Variants in DIPK2A observed in about 807,000 individuals in gnomAD.
DIPK2A encodes the protein Golgi Protein of 49 kDa.
In DIPK2A, 27 loss-of-function variants were observed where a neutral mutation model predicts 39.0. The observed-to-expected ratio is 0.69, with a 90% CI of 0.51 to 0.96. The LOEUF is 0.96. Ranked by LOEUF, DIPK2A falls within the 40% of genes least tolerant of loss-of-function variation. The probability of loss-of-function intolerance (pLI) is 0.00; values close to 1 mark genes in which losing one functional copy is unlikely to be tolerated. For missense variants in DIPK2A, 528 were observed against 571.3 expected (o/e 0.92, Z 0.77); for synonymous variants, 298 against 240.8 (o/e 1.24, Z -2.20).
chr3:143,991,138 C>G lies in DIPK2A; in HGVS notation c.*1297C>G, dbSNP rs2087981514. ...TGTGTGGGCTCTTTATATAAGTTGA[C>G]TATCACTAACAGGTAATATTTTTCT... On this transcript the variant is annotated 3_prime_UTR_variant, in exon 3 of 3. Transcript: ENST00000315691. The G allele has an allele frequency of 6.5e-6, 1 of 152,742 alleles. No homozygotes were observed. The highest frequency in any genetic ancestry group is 1.9e-4 in the East Asian group (1 of 5,184). The allele number at this position is 152,742 out of a possible 1,614,324, so 9.5% of individuals were successfully genotyped here.
rs1576808530 is a variant in DIPK2A at position 143,979,492 on chromosome 3, G to C, written c.658-6051G>C. 2.0e-5 allele frequency among the ~76,000 whole-genome samples: 3 copies of C among 152,288 alleles called. No individual in the cohort carries two copies. The South Asian group carries it at 6.2e-4, about 32-fold the overall frequency. On this transcript the variant is annotated intron_variant, in intron 1 of 2. Transcript: ENST00000315691. ...AATCTGAAGTAAGTATGATGCTTCA[G>C]TGTCTTCGTATTTTTTCTTTCTAAT...
At position 143,991,379 on chromosome 3, in the gene DIPK2A, A is replaced by C. The variant is rs985174476; in HGVS notation, c.*1538A>C. Reference sequence around the variant, plus strand: ...TACTGTCTGAACATGACATACGGTTAAGTAACTTTACAATTATTATCAAAT... The same window carrying C: ...TACTGTCTGAACATGACATACGGTTCAGTAACTTTACAATTATTATCAAAT... On this transcript the variant is annotated 3_prime_UTR_variant, in exon 3 of 3. Coordinates refer to ENST00000315691, the MANE Select transcript of DIPK2A (RefSeq NM_173552.5). The C allele has an allele frequency of 6.6e-6, 1 of 152,642 alleles. No individual in the cohort carries two copies. Among genetic ancestry groups the C allele is most frequent in the Non-Finnish European group, 1.5e-5 (1 of 68,004 alleles). The allele number at this position is 152,642 out of a possible 1,614,324, so 9.5% of individuals were successfully genotyped here. A position where few individuals can be genotyped will look rare whatever the true frequency, so the allele number is the denominator to read the frequency against.
chr3:143,984,174 T>C (rs1451570429), intron 1 of DIPK2A, among the ~76,000 whole-genome samples: 1 of 152,240 alleles, frequency 6.6e-6, no homozygotes, highest in East Asian at 1.9e-4. Flanking sequence ...TGATTTGATC[T>C]TTTATCCAGA....
At chr3:143,983,086 T>C (rs1177292418) in intron 1 of DIPK2A, among the ~76,000 whole-genome samples, 5 of 152,088 alleles carry the variant, frequency 3.3e-5, no homozygotes, top group African/African-American at 9.7e-5. Flanking sequence ...AGTAAGTTCT[T>C]AGAGACCTAC....
Position 143,989,921 on chromosome 3 carries a change from T to A in DIPK2A, c.*80T>A, listed in dbSNP as rs1479712743. ...ACCACCAAAAAACGATCTGAAAAAATGAAATTTGGAAGTGTTACATTCAGA... is the reference window on the plus strand; with the variant it reads ...ACCACCAAAAAACGATCTGAAAAAAAGAAATTTGGAAGTGTTACATTCAGA... On this transcript the variant is annotated 3_prime_UTR_variant, in exon 3 of 3. Coordinates refer to ENST00000315691, the MANE Select transcript of DIPK2A (RefSeq NM_173552.5). 2 of 1,115,138 alleles carry A rather than the reference T, an allele frequency of 1.8e-6. No homozygotes were observed. The highest frequency in any genetic ancestry group is 3.1e-5 in the African/African-American group (2 of 63,886). 69.1% of individuals were successfully genotyped at this position (1,115,138 alleles called of 1,614,324 possible).
At position 143,975,592 on chromosome 3, in the gene DIPK2A, A is replaced by G. The variant is rs192658174; in HGVS notation, c.657+2603A>G. Among the ~76,000 whole-genome samples, 7 of 152,260 alleles carry G rather than the reference A, an allele frequency of 4.6e-5. No individual in the cohort carries two copies. In the East Asian group the frequency reaches 1.3e-3, roughly 29 times the overall value. On this transcript the variant is annotated intron_variant, in intron 1 of 2. Coordinates refer to ENST00000315691, the MANE Select transcript of DIPK2A (RefSeq NM_173552.5). ...GAAACTACATTTTTAGTATTTATACAGGTTTTTATAAAACTGTTTATAGCT... is the reference window on the plus strand; with the variant it reads ...GAAACTACATTTTTAGTATTTATACGGGTTTTTATAAAACTGTTTATAGCT...
At position 143,989,794 on chromosome 3, in the gene DIPK2A, A is replaced by G. The variant is rs1409400155; in HGVS notation, c.1246A>G (p.Lys416Glu). The G allele has an allele frequency of 1.9e-6, 3 of 1,614,048 alleles. No homozygotes were observed. Among genetic ancestry groups the G allele is most frequent in the East Asian group, 2.2e-5 (1 of 44,900 alleles). The part of the protein sequence containing the change: ...KKRYGRFQAA[K>E]ELREYLAQLS... ...GCGCTATGGCAGATTCCAGGCTGCA[A>G]AAGAACTGCGTGAATACCTAGCACA... Residue 416 changes from lysine to glutamate, a missense_variant, in exon 3 of 3, where the codon AAA becomes GAA. Coordinates refer to ENST00000315691, the MANE Select transcript of DIPK2A (RefSeq NM_173552.5).
Position 143,992,264 on chromosome 3 carries a change from CTG to C in DIPK2A, c.*2425_*2426del, listed in dbSNP as rs1244841296. ...AAATTGTCTTTTGTACTGTAAGTTACTGTTAATTTGAATATTTTATTGAACTG... is the reference window on the plus strand; with the variant it reads ...AAATTGTCTTTTGTACTGTAAGTTACTTAATTTGAATATTTTATTGAACTG... On this transcript the variant is annotated 3_prime_UTR_variant, in exon 3 of 3. Coordinates refer to ENST00000315691, the MANE Select transcript of DIPK2A (RefSeq NM_173552.5). 6.6e-6 allele frequency: 1 copy of C among 152,524 alleles called. No homozygotes were observed. Among genetic ancestry groups the C allele is most frequent in the Non-Finnish European group, 1.5e-5 (1 of 68,010 alleles). The allele number at this position is 152,524 out of a possible 1,614,324, so 9.4% of individuals were successfully genotyped here. A position where few individuals can be genotyped will look rare whatever the true frequency, so the allele number is the denominator to read the frequency against.
chr3:143,984,378 G>A (rs1180484611), intron 1 of DIPK2A, among the ~76,000 whole-genome samples: 1 of 151,966 alleles, frequency 6.6e-6, no homozygotes, highest in Non-Finnish European at 1.5e-5. Flanking sequence ...CCTACCTATT[G>A]TTTCTAGCTT....
In DIPK2A at chr3:143,990,300, T is replaced by C. The variant is rs182271050; in HGVS notation, c.*459T>C. On this transcript the variant is annotated 3_prime_UTR_variant, in exon 3 of 3. Transcript: ENST00000315691. The stretch of plus-strand genomic sequence containing the variant: ...TCTGATGTGTAGGGTTTTTTCCCCC[T>C]TTTTTTTTTTAATTAAATTTTGAAA... 8.4e-3 allele frequency: 1,215 copies of C among 145,456 alleles called. 34 individuals carry two copies. Among genetic ancestry groups the C allele is most frequent in the East Asian group, 0.074 (373 of 5,044 alleles). 9.0% of individuals were successfully genotyped at this position (145,456 alleles called of 1,614,324 possible). A position where few individuals can be genotyped will look rare whatever the true frequency, so the allele number is the denominator to read the frequency against.
intron 2 of DIPK2A, among the ~76,000 whole-genome samples, chr3:143,987,448 A>G (rs370886144): frequency 3.0e-4 from 45 of 152,196 alleles, no homozygotes; most frequent in African/African-American, 7.7e-4. Flanking sequence ...TTTCTTTTCA[A>G]ATGTCTCATG....
In DIPK2A at chr3:143,972,751, C is replaced by G; in HGVS notation, c.419C>G (p.Ala140Gly). The change falls in exon 1 of 3, where the codon GCC (alanine) becomes GGC (glycine). Residue 140 changes from alanine to glycine, a missense_variant. Ala to Gly is a moderately conservative substitution (Grantham distance 60, BLOSUM62 0). Transcript: ENST00000315691. The stretch of plus-strand genomic sequence containing the variant: ...CGGCCCCGCTGCGACCTGCTGCAGG[C>G]CATGCCCCGGACCGAGTTCGCGCGC... ...TGRPRCDLLQ[A>G]MPRTEFARLN... The G allele has an allele frequency of 2.5e-6, 4 of 1,579,714 alleles. No individual in the cohort carries two copies. The highest frequency in any genetic ancestry group is 3.4e-6 in the Non-Finnish European group (4 of 1,166,438).
In DIPK2A at chr3:143,991,568, G is replaced by A. The variant is rs187972259; in HGVS notation, c.*1727G>A. ...TAAAGTTTATGCCAGTTTAAAAACTGGAAGGAAAAGGTAAGAGCTCTCCAT... is the reference window on the plus strand; with the variant it reads ...TAAAGTTTATGCCAGTTTAAAAACTAGAAGGAAAAGGTAAGAGCTCTCCAT... On this transcript the variant is annotated 3_prime_UTR_variant, in exon 3 of 3. Coordinates refer to ENST00000315691, the MANE Select transcript of DIPK2A (RefSeq NM_173552.5). 2.2e-3 allele frequency: 343 copies of A among 152,732 alleles called. No homozygotes were observed. The highest frequency in any genetic ancestry group is 3.7e-3 in the Non-Finnish European group (252 of 67,988). 9.5% of individuals were successfully genotyped at this position (152,732 alleles called of 1,614,324 possible).
At chr3:143,986,184 A>AT (rs1179626752) in intron 2 of DIPK2A, 11 of 215,930 alleles carry the variant, frequency 5.1e-5, no homozygotes, top group Non-Finnish European at 8.2e-5. Flanking sequence ...CCTATTTATA[A>AT]TAAACTGTTG....
chr3:143,976,531 A>AGTGTGTGTGT (rs34741607), intron 1 of DIPK2A, among the ~76,000 whole-genome samples: 64 of 142,720 alleles, frequency 4.5e-4, no homozygotes, highest in African/African-American at 1.3e-3. Context: ...AGAAAGGGAG[A>AGTGTGTGTGT]GTGTGTGTGT....
intron 2 of DIPK2A, among the ~76,000 whole-genome samples, chr3:143,986,739 A>AG (rs2087907581): frequency 6.6e-6 from 1 of 151,452 alleles, no homozygotes. Context: ...AAAAAAAAAA[A>AG]AAGAAAATTA....
intron 1 of DIPK2A, among the ~76,000 whole-genome samples, chr3:143,974,990 C>G (rs1045170968): frequency 6.6e-6 from 1 of 152,086 alleles, no homozygotes; most frequent in Non-Finnish European, 1.5e-5. Context: ...CAAACTTACT[C>G]TTTATCTGTT....
At chr3:143,980,331 G>C (rs1192831255) in intron 1 of DIPK2A, among the ~76,000 whole-genome samples, 1 of 152,136 alleles carries the variant, frequency 6.6e-6, no homozygotes, top group Non-Finnish European at 1.5e-5. Flanking sequence ...GCAGTGGCGT[G>C]ATCTCAGTTC....
rs1210931033 is a variant in DIPK2A, at chr3:143,972,431, G to A, written c.99G>A (p.Pro33=). 1.8e-5 allele frequency: 28 copies of A among 1,575,166 alleles called. No homozygotes were observed. Among genetic ancestry groups the A allele is most frequent in the Non-Finnish European group, 2.4e-5 (28 of 1,159,056 alleles). ...TGGTGCTGATGGTGCTGCACTCGCCGTCGCTGCTCGCCTCTTGGCAGCGCA... is the reference window on the plus strand; with the variant it reads ...TGGTGCTGATGGTGCTGCACTCGCCATCGCTGCTCGCCTCTTGGCAGCGCA... ...SLLVLMVLHS[P]SLLASWQRNE... is the part of the protein sequence containing the mutation. Residue 33 remains proline, a synonymous_variant, in exon 1 of 3, where the codon CCG becomes CCA. Transcript: ENST00000315691.
Sources: gnomAD v4.1 joint callset for allele counts (sites outside exome capture counted in the v4.1 genomes callset) on GRCh38, gnomAD v4.1.1 for gene constraint, MANE v1.5 for transcripts, NCBI Gene and HGNC (gene_info 2026-07-23, HGNC 2026-07-21) for gene names.